The following ETS1 variants were observed in gnomAD, a reference collection of about 807,000 sequenced individuals.
ETS1 encodes the protein protein C-ets-1.
ETS1 carries 15 observed loss-of-function variants against 58.6 expected under a neutral mutation model. The ratio of observed to expected loss-of-function variants is 0.26; its 90% CI spans 0.17 to 0.39. ETS1 has a LOEUF of 0.39. Among genes scored for constraint, ETS1 ranks in the 10% least tolerant of loss-of-function variants. ETS1 has a pLI of 1.00. For missense variants in ETS1, 417 were observed against 610.5 expected (o/e 0.68, Z 3.34); for synonymous variants, 214 against 218.2 (o/e 0.98, Z 0.17).
intron 3 of ETS1, among the ~76,000 whole-genome samples, chr11:128,494,140 G>T (rs1290970311): frequency 2.6e-5 from 4 of 152,120 alleles, no homozygotes; most frequent in African/African-American, 7.2e-5. Flanking sequence ...AATCTCCTTT[G>T]TGCTAATAAT....
Position 128,462,310 on chromosome 11 carries a change from C to T in ETS1, c.*51G>A, listed in dbSNP as rs767709929. The T allele has an allele frequency of 1.0e-5, 14 of 1,404,804 alleles. No individual in the cohort carries two copies. Among genetic ancestry groups the T allele is most frequent in the South Asian group, 9.3e-5 (8 of 86,116 alleles). 87.0% of individuals were successfully genotyped at this position (1,404,804 alleles called of 1,614,324 possible). A position where few individuals can be genotyped will look rare whatever the true frequency, so the allele number is the denominator to read the frequency against. The stretch of plus-strand genomic sequence containing the variant: ...TTCAAAATTCAGAGTCCAACCAACA[C>T]GGCTGTCCTTGGAAGGTCTCAGCAG... On this transcript the variant is annotated 3_prime_UTR_variant, in exon 10 of 10. Transcript: ENST00000392668.
intron 1 of ETS1, among the ~76,000 whole-genome samples, chr11:128,578,061 C>T (rs1864788881): frequency 6.6e-6 from 1 of 152,090 alleles, no homozygotes; most frequent in Non-Finnish European, 1.5e-5. Context: ...TCCAAAAAAT[C>T]ACTTTAAAAC....
intron 3 of ETS1, among the ~76,000 whole-genome samples, chr11:128,546,967 T>C (rs1864142461): frequency 6.6e-6 from 1 of 152,124 alleles, no homozygotes; most frequent in Non-Finnish European, 1.5e-5. Context: ...AGGTCCACAG[T>C]TTTCCTGGGG....
intron 8 of ETS1, among the ~76,000 whole-genome samples, chr11:128,471,940 T>C (rs1021749360): frequency 6.6e-6 from 1 of 152,212 alleles, no homozygotes; most frequent in Non-Finnish European, 1.5e-5. Flanking sequence ...TAGTTAGGTA[T>C]AATAGAATCC....
intron 3 of ETS1, among the ~76,000 whole-genome samples, chr11:128,516,768 G>A (rs1201711741): frequency 6.6e-6 from 1 of 152,124 alleles, no homozygotes; most frequent in Non-Finnish European, 1.5e-5. Context: ...TGAGGCATAG[G>A]CAGCAAATGC....
chr11:128,518,639 C>G (rs781311863), intron 3 of ETS1, among the ~76,000 whole-genome samples: 9 of 152,176 alleles, frequency 5.9e-5, no homozygotes, highest in Admixed American at 2.0e-4. Context: ...AACCATAGAG[C>G]TCTTTAGTCT....
chr11:128,488,930 A>G (rs1473442677), intron 5 of ETS1, among the ~76,000 whole-genome samples: 1 of 152,034 alleles, frequency 6.6e-6, no homozygotes, highest in African/African-American at 2.4e-5. Flanking sequence ...ATTGCAGAAA[A>G]CAAAAACAAA....
At chr11:128,512,231 G>A (rs527357892) in intron 3 of ETS1, among the ~76,000 whole-genome samples, 13 of 152,218 alleles carry the variant, frequency 8.5e-5, no homozygotes, top group African/African-American at 2.4e-4. Context: ...TCACTATTGG[G>A]GCGAAATAAT....
In ETS1 at chr11:128,493,505, C is replaced by T. The variant is rs964027007; in HGVS notation, c.215-2929G>A. Reference sequence around the variant, plus strand: ...CCATCAGAGGTGCCTGGCTCTGCCCCTCTGGCTGTGAGACTCAAGTGCTAG... The same window carrying T: ...CCATCAGAGGTGCCTGGCTCTGCCCTTCTGGCTGTGAGACTCAAGTGCTAG... On this transcript the variant is annotated intron_variant, in intron 3 of 9. Transcript: ENST00000392668. 5.3e-5 allele frequency among the ~76,000 whole-genome samples: 8 copies of T among 152,350 alleles called. No individual in the cohort carries two copies. In the South Asian group the frequency reaches 1.5e-3, roughly 28 times the overall value.
At chr11:128,527,760 T>G (rs1027309630) in intron 3 of ETS1, among the ~76,000 whole-genome samples, 3 of 152,256 alleles carry the variant, frequency 2.0e-5, no homozygotes, top group African/African-American at 7.2e-5. Context: ...TTCATCCTGG[T>G]GGAAGGCTAA....
chr11:128,533,134 C>A (rs1863924576), intron 3 of ETS1, among the ~76,000 whole-genome samples: 1 of 152,174 alleles, frequency 6.6e-6, no homozygotes, highest in South Asian at 2.1e-4. Flanking sequence ...CCATCCAAAG[C>A]CCAGACGCTA....
chr11:128,489,223 G>A (rs1862727227), intron 5 of ETS1, 67 bp downstream of exon 5: 2 of 1,391,788 alleles, frequency 1.4e-6, no homozygotes, highest in Admixed American at 1.7e-5. Flanking sequence ...ACCATTGGGT[G>A]AGCCCCCTAC....
At chr11:128,475,237 C>A (rs2135430611) in intron 8 of ETS1, among the ~76,000 whole-genome samples, 1 of 152,366 alleles carries the variant, frequency 6.6e-6, no homozygotes, top group Admixed American at 6.5e-5. Context: ...GATTATTTTG[C>A]AATCGAGCCT....
intron 7 of ETS1, among the ~76,000 whole-genome samples, chr11:128,482,074 C>A (rs1054094324): frequency 1.3e-5 from 2 of 152,154 alleles, no homozygotes; most frequent in African/African-American, 2.4e-5. Flanking sequence ...AAAAGGGCAC[C>A]TCTTCATTCT....
At chr11:128,561,781 G>A (rs1000545182) in intron 2 of ETS1, among the ~76,000 whole-genome samples, 1 of 152,224 alleles carries the variant, frequency 6.6e-6, no homozygotes, top group African/African-American at 2.4e-5. Flanking sequence ...GCCTTTGGTT[G>A]AGTTCAGATG....
Position 128,536,118 on chromosome 11 carries a change from C to A in ETS1, c.214+20173G>T, listed in dbSNP as rs576061112. Among the ~76,000 whole-genome samples, 29 of 152,272 alleles carry A rather than the reference C, an allele frequency of 1.9e-4. No individual in the cohort carries two copies. The South Asian group carries it at 5.2e-3, about 27-fold the overall frequency. On this transcript the variant is annotated intron_variant, in intron 3 of 9. Coordinates refer to ENST00000392668, the MANE Select transcript of ETS1 (RefSeq NM_001143820.2). ...AGATGTTTCCTTAAAGAAGAGTAAT[C>A]TAAGACCTCTAAATACATAAAAAAT...
At chr11:128,504,990 C>G (rs766079692) in intron 3 of ETS1, 1 of 152,146 alleles carries the variant, frequency 6.6e-6, no homozygotes. Context: ...TTGTTGCATA[C>G]CAGGGATATT....
At chr11:128,486,449 T>C (rs1481516908) in intron 5 of ETS1, among the ~76,000 whole-genome samples, 1 of 152,216 alleles carries the variant, frequency 6.6e-6, no homozygotes, top group Non-Finnish European at 1.5e-5. Flanking sequence ...CTCAATGCAT[T>C]CGTGCTGCGT....
In ETS1 at chr11:128,486,212, T is replaced by A. The variant is rs774496496; in HGVS notation, c.536-66A>T. ...TCAAGTCATGCTTGGCCTAAAAGGA[T>A]CTTGGATGCAAAGACCACAATGATC... On this transcript the variant is annotated intron_variant, in intron 5 of 9. Transcript: ENST00000392668. The A allele has an allele frequency of 3.8e-5, 38 of 992,674 alleles. No homozygotes were observed. Among genetic ancestry groups the A allele is most frequent in the Middle Eastern group, 2.1e-4 (1 of 4,832 alleles). The allele number at this position is 992,674 out of a possible 1,614,324, so 61.5% of individuals were successfully genotyped here.
Sources: gnomAD v4.1 joint callset for allele counts (sites outside exome capture counted in the v4.1 genomes callset) on GRCh38, gnomAD v4.1.1 for gene constraint, MANE v1.5 for transcripts, NCBI Gene and HGNC (gene_info 2026-07-23, HGNC 2026-07-21) for gene names.